The following CAMK4 variants were observed in gnomAD, a reference collection of about 807,000 sequenced individuals.
CAMK4 encodes the protein calcium/calmodulin dependent protein kinase IV.
A neutral mutation model predicts 44.9 loss-of-function variants in CAMK4; 22 were observed. That is an observed-to-expected ratio of 0.49 (90% confidence interval 0.35 to 0.70). The LOEUF (loss-of-function observed/expected upper bound fraction) is 0.70. Among genes scored for constraint, CAMK4 ranks in the 30% least tolerant of loss-of-function variants. The pLI is 0.01. For synonymous variants in CAMK4, 218 were observed against 215.4 expected, an observed-to-expected ratio of 1.01 and a Z score of -0.11; for missense variants, 498 against 586.8, an observed-to-expected ratio of 0.85 and a Z score of 1.56.
At chr5:111,336,123 AT>A (rs1327189136) in intron 1 of CAMK4, among the ~76,000 whole-genome samples, 1 of 151,280 alleles carries the variant, frequency 6.6e-6, no homozygotes, top group Non-Finnish European at 1.5e-5. Flanking sequence ...AAATGGAATA[AT>A]TTCTATAATT....
chr5:111,249,638 AT>A (rs1427572903), intron 1 of CAMK4, among the ~76,000 whole-genome samples: 1,789 of 118,156 alleles, frequency 0.015, 39 homozygotes, highest in African/African-American at 0.046. Context: ...GTATATATAT[AT>A]ATATATGTGT....
rs573903026 is a variant in CAMK4 at position 111,492,767 on chromosome 5, T to C, written c.*8301T>C. On this transcript the variant is annotated 3_prime_UTR_variant, in exon 11 of 11. Transcript: ENST00000282356. Reference sequence around the variant, plus strand: ...GGAGTCAAAGATGAATTAAATCCAATGCTATCCTCCAGGAGTGAGCTTTGT... The same window carrying C: ...GGAGTCAAAGATGAATTAAATCCAACGCTATCCTCCAGGAGTGAGCTTTGT... 1.2e-3 allele frequency: 182 copies of C among 152,318 alleles called. 1 individual carries two copies. The highest frequency in any genetic ancestry group is 4.1e-3 in the African/African-American group (172 of 41,578). The allele number at this position is 152,318 out of a possible 1,614,324, so 9.4% of individuals were successfully genotyped here.
intron 7 of CAMK4, among the ~76,000 whole-genome samples, chr5:111,468,313 C>T (rs535879913): frequency 9.9e-5 from 15 of 152,090 alleles, no homozygotes; most frequent in Non-Finnish European, 2.2e-4. Flanking sequence ...TTTCCCAAAA[C>T]TACTGGAATA....
rs1443250616 is a variant in CAMK4, at chr5:111,492,437, TTACTG to T, written c.*7972_*7976del. 6.6e-6 allele frequency: 1 copy of T among 152,154 alleles called. No homozygotes were observed. Among genetic ancestry groups the T allele is most frequent in the African/African-American group, 2.4e-5 (1 of 41,432 alleles). The allele number at this position is 152,154 out of a possible 1,614,324, so 9.4% of individuals were successfully genotyped here. A position where few individuals can be genotyped will look rare whatever the true frequency, so the allele number is the denominator to read the frequency against. ...CGCATCATTATGTGTAGCAGAGACTTTACTGGAATGAGTGAGGGGAAAGATAACAA... is the reference window on the plus strand; with the variant it reads ...CGCATCATTATGTGTAGCAGAGACTTGAATGAGTGAGGGGAAAGATAACAA... On this transcript the variant is annotated 3_prime_UTR_variant, in exon 11 of 11. Transcript: ENST00000282356.
At chr5:111,422,119 T>G (rs1412755229) in intron 5 of CAMK4, among the ~76,000 whole-genome samples, 1 of 152,212 alleles carries the variant, frequency 6.6e-6, no homozygotes, top group Non-Finnish European at 1.5e-5. Context: ...TCTTAAAATA[T>G]CTGTGAGACA....
intron 5 of CAMK4, among the ~76,000 whole-genome samples, chr5:111,397,581 A>C (rs185360531): frequency 6.6e-6 from 1 of 152,246 alleles, no homozygotes; most frequent in Non-Finnish European, 1.5e-5. Context: ...GAAAGTTTAA[A>C]AAGGAATTGT....
intron 1 of CAMK4, among the ~76,000 whole-genome samples, chr5:111,335,996 G>C (rs1057037495): frequency 6.6e-6 from 1 of 151,106 alleles, no homozygotes; most frequent in Admixed American, 6.6e-5. Flanking sequence ...GACAAAACTA[G>C]AGCTCAAAAA....
In CAMK4 at chr5:111,311,377, A is replaced by G. The variant is rs114941432; in HGVS notation, c.162-32647A>G. 4.1e-3 allele frequency among the ~76,000 whole-genome samples: 621 copies of G among 152,306 alleles called. 6 individuals carry two copies. The highest frequency in any genetic ancestry group is 0.014 in the African/African-American group (583 of 41,572). On this transcript the variant is annotated intron_variant, in intron 1 of 10. Transcript: ENST00000282356. The stretch of plus-strand genomic sequence containing the variant: ...CTTGTATTAGCATACTATAGTGTTT[A>G]TACTTGTACCTCTGGGATTTCTGTT...
chr5:111,342,352 G>A (rs375359), intron 1 of CAMK4, among the ~76,000 whole-genome samples: 51,439 of 151,124 alleles, frequency 0.34, 9,199 homozygotes, highest in Admixed American at 0.4. Flanking sequence ...CATAGTTGAC[G>A]CCTTCGTAAT....
intron 2 of CAMK4, among the ~76,000 whole-genome samples, chr5:111,363,010 T>A (rs1750654018): frequency 6.6e-6 from 1 of 152,088 alleles, no homozygotes; most frequent in Non-Finnish European, 1.5e-5. Context: ...ACGCAAGGTG[T>A]GCTGTTGGAA....
intron 7 of CAMK4, among the ~76,000 whole-genome samples, chr5:111,456,667 T>TAA (rs5870454): frequency 4.6e-5 from 7 of 150,728 alleles, no homozygotes; most frequent in East Asian, 2.0e-4. Context: ...GGTAAACCAT[T>TAA]AAAAAAAAGG....
chr5:111,412,458 CAGA>C (rs999828532), intron 5 of CAMK4, among the ~76,000 whole-genome samples: 1 of 152,088 alleles, frequency 6.6e-6, no homozygotes, highest in African/African-American at 2.4e-5. Flanking sequence ...AACAGAATGC[CAGA>C]AGAAGATAAA....
chr5:111,449,098 GC>G, intron 6 of CAMK4, 30 bp from the exon 7 acceptor site: 1 of 912,370 alleles, frequency 1.1e-6, no homozygotes, highest in Non-Finnish European at 1.8e-6. Context: ...GAGAAGACGT[GC>G]TTCATTAAAT....
At chr5:111,409,729 GA>G (rs1193957431) in intron 5 of CAMK4, among the ~76,000 whole-genome samples, 1 of 152,124 alleles carries the variant, frequency 6.6e-6, no homozygotes, top group Admixed American at 6.5e-5. Flanking sequence ...TCTTCTGCCA[GA>G]TACCCTAAAT....
chr5:111,315,602 T>C (rs1303791453), intron 1 of CAMK4, among the ~76,000 whole-genome samples: 1 of 152,194 alleles, frequency 6.6e-6, no homozygotes, highest in Admixed American at 6.5e-5. Context: ...TCTTCATTTT[T>C]TTTGTATATA....
chr5:111,403,158 A>G (rs554829783), intron 5 of CAMK4, among the ~76,000 whole-genome samples: 21 of 152,244 alleles, frequency 1.4e-4, no homozygotes, highest in Non-Finnish European at 1.9e-4. Flanking sequence ...TGAATATCAA[A>G]CATACACCCA....
chr5:111,371,018 C>T (rs927815821), intron 2 of CAMK4, among the ~76,000 whole-genome samples: 9 of 152,266 alleles, frequency 5.9e-5, no homozygotes, highest in South Asian at 2.1e-4. Context: ...TAACGCCTCT[C>T]TTTTTCAAAG....
intron 5 of CAMK4, among the ~76,000 whole-genome samples, chr5:111,428,044 A>T (rs1753295239): frequency 6.6e-6 from 1 of 152,140 alleles, no homozygotes; most frequent in Admixed American, 6.5e-5. Flanking sequence ...GAACAAACGG[A>T]GACTCTGTTT....
chr5:111,464,644 C>G (rs1325860205), intron 7 of CAMK4, among the ~76,000 whole-genome samples: 1 of 151,994 alleles, frequency 6.6e-6, no homozygotes, highest in African/African-American at 2.4e-5. Context: ...TTAAGGATTA[C>G]CGTTACATTA....
Sources: gnomAD v4.1 joint callset for allele counts (sites outside exome capture counted in the v4.1 genomes callset) on GRCh38, gnomAD v4.1.1 for gene constraint, MANE v1.5 for transcripts, NCBI Gene and HGNC (gene_info 2026-07-23, HGNC 2026-07-21) for gene names.